TSPAN9: variants seen among roughly 807,000 people sequenced by gnomAD.
TSPAN9 encodes the protein tetraspanin 9.
In TSPAN9, 16 loss-of-function variants were observed where a neutral mutation model predicts 31.0. The observed-to-expected ratio is 0.52, with a 90% confidence interval of 0.35 to 0.78. The LOEUF (loss-of-function observed/expected upper bound fraction) is 0.78. TSPAN9 is among the 30% of genes least tolerant of loss of function. The probability of loss-of-function intolerance (pLI) is 0.01; values close to 1 mark genes in which losing one functional copy is unlikely to be tolerated. For synonymous variants in TSPAN9, 145 were observed against 121.6 expected (o/e 1.19, Z -1.27); for missense variants, 272 against 312.5 (o/e 0.87, Z 0.98).
chr12:3,256,294 C>T (rs755312982), intron 3 of TSPAN9, among the ~76,000 whole-genome samples: 4 of 152,196 alleles, frequency 2.6e-5, no homozygotes, highest in African/African-American at 7.2e-5. Context: ...CTGGAAAGGC[C>T]GGGCCCCGCT....
At chr12:3,272,645 G>A (rs760667833) in intron 3 of TSPAN9, among the ~76,000 whole-genome samples, 2 of 152,108 alleles carry the variant, frequency 1.3e-5, no homozygotes, top group Admixed American at 6.5e-5. Context: ...CCCGGCGCTG[G>A]CAGAGGAGTC....
rs542018214 is a variant in TSPAN9 at position 3,190,649 on chromosome 12, C to G, written c.-17-10528C>G. On this transcript the variant is annotated intron_variant, in intron 2 of 8. Transcript: ENST00000011898. ...CTTTGTCCAGGCAGACTATCAGCCC[C>G]GTTCTTCTAGGGCCCAATCTCTGCT... Among the ~76,000 whole-genome samples, 5 of 152,320 alleles carry G rather than the reference C, an allele frequency of 3.3e-5. No homozygotes were observed. The South Asian group carries it at 1.0e-3, about 32-fold the overall frequency.
rs1465884752 is a variant in TSPAN9, at chr12:3,107,981, A to G, written c.-18+24262A>G. The stretch of plus-strand genomic sequence containing the variant: ...CAGTAAGAAACTCCCCAAAACCTCC[A>G]TACCTGATCCTCACATTTCTGGATA... On this transcript the variant is annotated intron_variant, in intron 2 of 8. Transcript: ENST00000011898. This position sits in a 1 kb window ranked among gnomAD's most constrained non-coding sequence, Gnocchi z 4.1. Among the ~76,000 whole-genome samples, 1 of 152,146 alleles carries G rather than the reference A, an allele frequency of 6.6e-6. No homozygotes were observed. Among genetic ancestry groups the G allele is most frequent in the African/African-American group, 2.4e-5 (1 of 41,422 alleles).
At chr12:3,144,769 C>T (rs559444064) in intron 2 of TSPAN9, among the ~76,000 whole-genome samples, 29 of 152,368 alleles carry the variant, frequency 1.9e-4, no homozygotes, top group African/African-American at 6.3e-4. Flanking sequence ...CCCTGGGCTG[C>T]GCCCTGAGAA....
intron 2 of TSPAN9, among the ~76,000 whole-genome samples, chr12:3,157,291 C>T (rs1176674232): frequency 6.6e-6 from 1 of 152,066 alleles, no homozygotes; most frequent in Non-Finnish European, 1.5e-5. Context: ...TTAGTAGAGA[C>T]GGGGTTTCAC....
intron 3 of TSPAN9, among the ~76,000 whole-genome samples, chr12:3,238,496 C>G (rs1290564917): frequency 6.6e-6 from 1 of 152,234 alleles, no homozygotes; most frequent in African/African-American, 2.4e-5. Context: ...GGCTCCTTCT[C>G]CTTTGCTAGC....
intron 2 of TSPAN9, among the ~76,000 whole-genome samples, chr12:3,137,836 C>T (rs11613866): frequency 1.9e-3 from 288 of 152,244 alleles, no homozygotes; most frequent in South Asian, 3.9e-3. Context: ...TCTTGTCACA[C>T]GGATTTCTGC....
intron 2 of TSPAN9, chr12:3,124,844 GC>G (rs915235550): frequency 6.6e-6 from 1 of 152,184 alleles, no homozygotes; most frequent in African/African-American, 2.4e-5. Flanking sequence ...GATCGCTTGA[GC>G]CCAGGAGTTC....
intron 3 of TSPAN9, among the ~76,000 whole-genome samples, chr12:3,243,556 C>T (rs2098397747): frequency 6.6e-6 from 1 of 152,194 alleles, no homozygotes; most frequent in South Asian, 2.1e-4. Flanking sequence ...GGGCTGTTGG[C>T]TAAGCAGCTT....
At position 3,280,240 on chromosome 12, in the gene TSPAN9, G is replaced by A. The variant is rs1862868122; in HGVS notation, c.331-142G>A. The A allele has an allele frequency of 2.8e-6, 2 of 712,326 alleles. No individual in the cohort carries two copies. Among genetic ancestry groups the A allele is most frequent in the Non-Finnish European group, 2.4e-6 (1 of 417,862 alleles). 44.1% of individuals were successfully genotyped at this position (712,326 alleles called of 1,614,324 possible). A position where few individuals can be genotyped will look rare whatever the true frequency, so the allele number is the denominator to read the frequency against. On this transcript the variant is annotated intron_variant, in intron 5 of 8. Coordinates refer to ENST00000011898, the MANE Select transcript of TSPAN9 (RefSeq NM_006675.5). The surrounding 1 kb of genome is among the most constrained non-coding windows in gnomAD (Gnocchi z 4.5). ...GCCAGCAGAGGCCCCCACCCCAGTG[G>A]GCAGGGCCTTCCAGACCAGCTGCCT...
Position 3,223,730 on chromosome 12 carries a change from AC to A in TSPAN9, c.63+22476del, listed in dbSNP as rs1318949380. Among the ~76,000 whole-genome samples the A allele has an allele frequency of 7.9e-5, 12 of 152,286 alleles. No individual in the cohort carries two copies. The East Asian group carries it at 2.1e-3, about 27-fold the overall frequency. On this transcript the variant is annotated intron_variant, in intron 3 of 8. Coordinates refer to ENST00000011898, the MANE Select transcript of TSPAN9 (RefSeq NM_006675.5). ...AGCTGGTTCAAGTATTGAGCGAGAG[AC>A]CGGGACTACAAGTGTTTTCTAACAC...
chr12:3,182,044 G>A (rs567653460), intron 2 of TSPAN9, among the ~76,000 whole-genome samples: 2 of 152,054 alleles, frequency 1.3e-5, no homozygotes, highest in African/African-American at 4.8e-5. Flanking sequence ...TGGAGGGCCC[G>A]TGTGTGATGT....
intron 3 of TSPAN9, among the ~76,000 whole-genome samples, chr12:3,238,090 T>C (rs1326338289): frequency 6.6e-6 from 1 of 152,168 alleles, no homozygotes; most frequent in African/African-American, 2.4e-5. Context: ...AGGACGAGAC[T>C]ATTCCCTCAT....
chr12:3,211,208 G>T (rs1466377847), intron 3 of TSPAN9, among the ~76,000 whole-genome samples: 1 of 152,168 alleles, frequency 6.6e-6, no homozygotes, highest in Non-Finnish European at 1.5e-5. Context: ...ATTTATATTT[G>T]TATATAAGAT....
At chr12:3,276,195 C>T (rs1397756193) in intron 3 of TSPAN9, among the ~76,000 whole-genome samples, 2 of 152,196 alleles carry the variant, frequency 1.3e-5, no homozygotes, top group Admixed American at 1.3e-4. Context: ...AGCCTAATCA[C>T]AGCAGCCTCC....
chr12:3,156,031 T>C (rs373978803), intron 2 of TSPAN9, among the ~76,000 whole-genome samples: 19 of 152,330 alleles, frequency 1.2e-4, no homozygotes, highest in African/African-American at 4.6e-4. Flanking sequence ...AAACACCCAG[T>C]GTTATTTATT....
Position 3,199,058 on chromosome 12 carries a change from C to T in TSPAN9, c.-17-2119C>T, listed in dbSNP as rs2098369590. Reference sequence around the variant, plus strand: ...TGTCTTCCTAACTGGATTGTGGCTCCCTGAAGGGCAGGGAGCCCCACTTCT... The same window carrying T: ...TGTCTTCCTAACTGGATTGTGGCTCTCTGAAGGGCAGGGAGCCCCACTTCT... On this transcript the variant is annotated intron_variant, in intron 2 of 8. Transcript: ENST00000011898. Among the ~76,000 whole-genome samples, 6 of 152,218 alleles carry T rather than the reference C, an allele frequency of 3.9e-5. No individual in the cohort carries two copies. In the South Asian group the frequency reaches 8.3e-4, roughly 21 times the overall value.
chr12:3,099,503 T>C (rs1408631808), intron 2 of TSPAN9, among the ~76,000 whole-genome samples: 1 of 152,190 alleles, frequency 6.6e-6, no homozygotes, highest in African/African-American at 2.4e-5. Context: ...TATTTTTGGG[T>C]TTGTTCTGTT....
chr12:3,152,122 G>A (rs559385374), intron 2 of TSPAN9, among the ~76,000 whole-genome samples: 1 of 152,182 alleles, frequency 6.6e-6, no homozygotes, highest in Non-Finnish European at 1.5e-5. Context: ...ATCTCTCCCT[G>A]GGGAGTCTGA....
Sources: gnomAD v4.1 joint callset for allele counts (sites outside exome capture counted in the v4.1 genomes callset) on GRCh38, gnomAD v4.1.1 for gene constraint, Gnocchi (gnomAD v3.1) non-coding constraint, MANE v1.5 for transcripts, NCBI Gene and HGNC (gene_info 2026-07-23, HGNC 2026-07-21) for gene names.